Variants in PPM1H observed in about 807,000 individuals in gnomAD.
PPM1H encodes the protein protein phosphatase 1H.
In PPM1H, 27 loss-of-function variants were observed where a neutral mutation model predicts 54.9. The ratio of observed to expected loss-of-function variants is 0.49; its 90% CI spans 0.36 to 0.68. The LOEUF (loss-of-function observed/expected upper bound fraction) is 0.68, where lower values mean the gene tolerates loss of function less well. PPM1H is among the 30% of genes least tolerant of loss of function. The probability of loss-of-function intolerance (pLI) is 0.00; values close to 1 mark genes in which losing one functional copy is unlikely to be tolerated. For missense variants in PPM1H, 596 were observed against 667.8 expected (o/e 0.89, Z 1.19); for synonymous variants, 305 against 270.8 (o/e 1.13, Z -1.24).
chr12:62,810,460 T>C (rs2076828648), intron 2 of PPM1H, among the ~76,000 whole-genome samples: 1 of 152,214 alleles, frequency 6.6e-6, no homozygotes. Context: ...TGAAACTCAC[T>C]GTCTCCCTCT....
Position 62,870,253 on chromosome 12 carries a change from C to T in PPM1H, c.246-37974G>A, listed in dbSNP as rs76280317. On this transcript the variant is annotated intron_variant, in intron 1 of 9. Transcript: ENST00000228705. ...CCAGAGAAGAATCTAATCTTGGACT[C>T]GAATTTGACGAAATTGTGCACTAGT... is the stretch of plus-strand genomic sequence containing the variant. Among the ~76,000 whole-genome samples the T allele has an allele frequency of 4.3e-4, 65 of 152,198 alleles. 1 individual carries two copies. The East Asian group carries it at 0.01, about 24-fold the overall frequency.
At position 62,871,153 on chromosome 12, in the gene PPM1H, A is replaced by G. The variant is rs187163052; in HGVS notation, c.246-38874T>C. Among the ~76,000 whole-genome samples, 282 of 152,352 alleles carry G rather than the reference A, an allele frequency of 1.9e-3. 1 individual carries two copies. The highest frequency in any genetic ancestry group is 6.4e-3 in the African/African-American group (268 of 41,578). On this transcript the variant is annotated intron_variant, in intron 1 of 9. Coordinates refer to ENST00000228705, the MANE Select transcript of PPM1H (RefSeq NM_020700.2). ...GTGACAGCAGCCCAAATATCTATCA[A>G]CTGGTGAATGGATAAATAAAATGTG...
intron 1 of PPM1H, among the ~76,000 whole-genome samples, chr12:62,838,345 G>GGC (rs1868576672): frequency 7.0e-6 from 1 of 143,332 alleles, no homozygotes; most frequent in Non-Finnish European, 1.5e-5. Flanking sequence ...GTGTGGGGGG[G>GGC]GGGAGATGAA....
In PPM1H at chr12:62,821,988, A is replaced by G. The variant is rs371367553; in HGVS notation, c.411+10126T>C. Among the ~76,000 whole-genome samples, 58 of 152,336 alleles carry G rather than the reference A, an allele frequency of 3.8e-4. 1 individual carries two copies. In the South Asian group the frequency reaches 0.012, roughly 31 times the overall value. ...ACTGGATAAAGAGTCAAGACCCATC[A>G]GTGTGCTGTATTCAGGAAACCCATC... On this transcript the variant is annotated intron_variant, in intron 2 of 9. Transcript: ENST00000228705.
chr12:62,878,977 A>G (rs2121035078), intron 1 of PPM1H, among the ~76,000 whole-genome samples: 1 of 152,338 alleles, frequency 6.6e-6, no homozygotes, highest in East Asian at 1.9e-4. Context: ...GATTGAAGGT[A>G]TCTGTGAGAT....
At chr12:62,907,653 T>C (rs1871339876) in intron 1 of PPM1H, among the ~76,000 whole-genome samples, 1 of 152,224 alleles carries the variant, frequency 6.6e-6, no homozygotes, top group Non-Finnish European at 1.5e-5. Context: ...GAAGGCTGTA[T>C]CATTCCAGCC....
chr12:62,870,404 T>G (rs985593278), intron 1 of PPM1H, among the ~76,000 whole-genome samples: 1 of 152,018 alleles, frequency 6.6e-6, no homozygotes, highest in Admixed American at 6.6e-5. Context: ...AGAAGAGAGA[T>G]GAGAGGCTGA....
At chr12:62,699,083 G>A (rs140454182) in intron 6 of PPM1H, among the ~76,000 whole-genome samples, 1 of 152,172 alleles carries the variant, frequency 6.6e-6, no homozygotes, top group Admixed American at 6.5e-5. Context: ...CCACACAAGG[G>A]GGGTGGCAAC....
At chr12:62,651,766 A>G (rs998403558) in intron 9 of PPM1H, among the ~76,000 whole-genome samples, 1 of 152,178 alleles carries the variant, frequency 6.6e-6, no homozygotes, top group African/African-American at 2.4e-5. Flanking sequence ...CAGTAGGCCC[A>G]ATACTCTACT....
chr12:62,734,852 T>C (rs776588176), intron 5 of PPM1H, among the ~76,000 whole-genome samples: 3 of 152,018 alleles, frequency 2.0e-5, no homozygotes, highest in Non-Finnish European at 2.9e-5. Context: ...AGACCAGCCC[T>C]GGCAAGACAG....
chr12:62,843,125 G>A (rs1324426832), intron 1 of PPM1H, among the ~76,000 whole-genome samples: 1 of 152,138 alleles, frequency 6.6e-6, no homozygotes, highest in African/African-American at 2.4e-5. Flanking sequence ...AGACCAGTCT[G>A]ACCAACATGG....
At chr12:62,760,405 C>T (rs1279307386) in intron 4 of PPM1H, among the ~76,000 whole-genome samples, 1 of 152,098 alleles carries the variant, frequency 6.6e-6, no homozygotes, top group East Asian at 1.9e-4. Context: ...CTCACCTCCT[C>T]CCCAGGCTGC....
chr12:62,773,157 A>C (rs996107714), intron 4 of PPM1H, among the ~76,000 whole-genome samples: 1 of 151,972 alleles, frequency 6.6e-6, no homozygotes, highest in Non-Finnish European at 1.5e-5. Flanking sequence ...AAAAAAACAA[A>C]ACAAAACAAA....
chr12:62,908,362 A>G (rs798403), intron 1 of PPM1H, among the ~76,000 whole-genome samples: 48,275 of 146,922 alleles, frequency 0.33, 9,495 homozygotes, highest in Non-Finnish European at 0.45. Flanking sequence ...AGCTGAGGTC[A>G]TGCCACTGCA....
Position 62,694,135 on chromosome 12 carries a change from G to C in PPM1H, c.1074-136C>G, listed in dbSNP as rs1233552150. 4.2e-6 allele frequency: 3 copies of C among 722,564 alleles called. No individual in the cohort carries two copies. The African/African-American group carries it at 5.3e-5, about 13-fold the overall frequency. 44.8% of individuals were successfully genotyped at this position (722,564 alleles called of 1,614,324 possible). A position where few individuals can be genotyped will look rare whatever the true frequency, so the allele number is the denominator to read the frequency against. ...ACACTGACTACCTCTTCCTTTATAG[G>C]GAGTTGTTCTCCCTACAGAATTGTG... On this transcript the variant is annotated intron_variant, in intron 6 of 9. Coordinates refer to ENST00000228705, the MANE Select transcript of PPM1H (RefSeq NM_020700.2).
At chr12:62,870,479 G>A (rs923954319) in intron 1 of PPM1H, among the ~76,000 whole-genome samples, 2 of 152,168 alleles carry the variant, frequency 1.3e-5, no homozygotes, top group African/African-American at 4.8e-5. Flanking sequence ...AGGACAGCCT[G>A]AAGCAACATG....
At chr12:62,649,300 C>A (rs2075803671) in intron 9 of PPM1H, among the ~76,000 whole-genome samples, 1 of 150,800 alleles carries the variant, frequency 6.6e-6, no homozygotes, top group Admixed American at 6.6e-5. Flanking sequence ...CTCCTCTTGA[C>A]CAATGTAAGT....
intron 1 of PPM1H, among the ~76,000 whole-genome samples, chr12:62,834,840 C>T (rs1868454237): frequency 6.6e-6 from 1 of 152,168 alleles, no homozygotes; most frequent in Non-Finnish European, 1.5e-5. Flanking sequence ...TCCTCTCGGT[C>T]ACTGGTGGTG....
At chr12:62,787,025 C>G (rs1182933788) in intron 4 of PPM1H, among the ~76,000 whole-genome samples, 3 of 152,174 alleles carry the variant, frequency 2.0e-5, no homozygotes, top group African/African-American at 7.2e-5. Flanking sequence ...AAAACCACTG[C>G]CAGGTCGGTT....
Sources: gnomAD v4.1 joint callset for allele counts (sites outside exome capture counted in the v4.1 genomes callset) on GRCh38, gnomAD v4.1.1 for gene constraint, MANE v1.5 for transcripts, NCBI Gene and HGNC (gene_info 2026-07-23, HGNC 2026-07-21) for gene names.